Variants in ANO10 observed in about 807,000 individuals in gnomAD.
ANO10 encodes anoctamin 10, also known as anoctamin-10.
Under a neutral mutation model 74.7 loss-of-function variants are expected in ANO10, and 77 were observed. The observed-to-expected ratio is 1.03, with a 90% confidence interval of 0.86 to 1.25. ANO10 has a LOEUF of 1.25. Ranked by LOEUF, ANO10 falls within the 50% of genes most tolerant of loss-of-function variation. ANO10 has a pLI of 0.00. For synonymous variants in ANO10, 279 were observed against 284.9 expected (o/e 0.98, Z 0.21); for missense variants, 721 against 778.1 (o/e 0.93, Z 0.87).
In ANO10 at chr3:43,532,270, G is replaced by A. The variant is rs1160329870; in HGVS notation, c.1797+17450C>T. Among the ~76,000 whole-genome samples the A allele has an allele frequency of 6.6e-5, 10 of 152,282 alleles. No homozygotes were observed. The East Asian group carries it at 1.2e-3, about 18-fold the overall frequency. Reference sequence around the variant, plus strand: ...CTATGCCTTCGCTTAAACTTCTCACGTTTAATGGCTTAAAATTCTTTCCAA... The same window carrying A: ...CTATGCCTTCGCTTAAACTTCTCACATTTAATGGCTTAAAATTCTTTCCAA... On this transcript the variant is annotated intron_variant, in intron 11 of 12. Coordinates refer to ENST00000292246, the MANE Select transcript of ANO10 (RefSeq NM_018075.5).
At chr3:43,460,848 G>A (rs980211231) in intron 11 of ANO10, among the ~76,000 whole-genome samples, 10 of 152,008 alleles carry the variant, frequency 6.6e-5, no homozygotes, top group Non-Finnish European at 5.9e-5. Context: ...CATACAACAA[G>A]AGCAGACACT....
At chr3:43,575,773 G>A (rs959071460) in intron 6 of ANO10, among the ~76,000 whole-genome samples, 1 of 152,064 alleles carries the variant, frequency 6.6e-6, no homozygotes, top group Non-Finnish European at 1.5e-5. Context: ...GAGTAGTTGG[G>A]ACTACAGGCG....
intron 11 of ANO10, among the ~76,000 whole-genome samples, chr3:43,440,189 T>C (rs6769576): frequency 0.53 from 81,184 of 151,872 alleles, 22,521 homozygotes; most frequent in East Asian, 0.83. Flanking sequence ...CAATTGTAAG[T>C]CTGCTCTATC....
At chr3:43,505,691 C>T (rs984827604) in intron 11 of ANO10, among the ~76,000 whole-genome samples, 8 of 152,130 alleles carry the variant, frequency 5.3e-5, no homozygotes, top group Non-Finnish European at 1.0e-4. Context: ...TACACATTCA[C>T]GAAGTCAAGA....
At chr3:43,412,408 T>A (rs547203836) in intron 12 of ANO10, among the ~76,000 whole-genome samples, 1 of 152,158 alleles carries the variant, frequency 6.6e-6, no homozygotes, top group Non-Finnish European at 1.5e-5. Flanking sequence ...CCTGTGGCTG[T>A]TGACCATCCC....
At chr3:43,570,575 C>A (rs1408854607) in intron 7 of ANO10, among the ~76,000 whole-genome samples, 1 of 152,240 alleles carries the variant, frequency 6.6e-6, no homozygotes, top group Admixed American at 6.5e-5. Flanking sequence ...CAAAAACAAG[C>A]AATGGGGAAG....
intron 11 of ANO10, chr3:43,485,760 C>T (rs1975997): frequency 0.54 from 121,556 of 224,460 alleles, 35,976 homozygotes; most frequent in East Asian, 0.84. Flanking sequence ...GAAGTGGGAC[C>T]TGTTGACAAA....
At chr3:43,484,164 C>A (rs2076377023) in intron 11 of ANO10, among the ~76,000 whole-genome samples, 1 of 152,054 alleles carries the variant, frequency 6.6e-6, no homozygotes. Context: ...ATCTCCTGGG[C>A]TCAAGCGATC....
intron 3 of ANO10, among the ~76,000 whole-genome samples, 196 bp from the exon 4 acceptor site, chr3:43,598,862 T>A (rs752552019): frequency 5.0e-4 from 76 of 152,240 alleles, no homozygotes; most frequent in Non-Finnish European, 9.8e-4. Flanking sequence ...TGTTATGCCT[T>A]CACGTAATAC....
intron 1 of ANO10, among the ~76,000 whole-genome samples, chr3:43,656,913 C>T (rs1208541411): frequency 6.6e-6 from 1 of 152,234 alleles, no homozygotes; most frequent in Admixed American, 6.5e-5. Context: ...CAAGTGCCGC[C>T]AAAGTGGGAG....
intron 12 of ANO10, among the ~76,000 whole-genome samples, chr3:43,389,913 A>C (rs1224752604): frequency 6.6e-6 from 1 of 152,084 alleles, no homozygotes; most frequent in Non-Finnish European, 1.5e-5. Context: ...AAATGGAACA[A>C]AACAAAACAA....
At chr3:43,400,495 T>A (rs564748446) in intron 12 of ANO10, among the ~76,000 whole-genome samples, 3 of 152,046 alleles carry the variant, frequency 2.0e-5, no homozygotes, top group Non-Finnish European at 2.9e-5. Context: ...TCTTTTCTGA[T>A]TGGGCATGGT....
chr3:43,459,771 G>A (rs1279139821), intron 11 of ANO10, among the ~76,000 whole-genome samples: 1 of 152,118 alleles, frequency 6.6e-6, no homozygotes, highest in Non-Finnish European at 1.5e-5. Flanking sequence ...TGGAAGGAGG[G>A]ACTGAGCTCC....
At chr3:43,493,088 C>T (rs903110225) in intron 11 of ANO10, among the ~76,000 whole-genome samples, 1 of 152,136 alleles carries the variant, frequency 6.6e-6, no homozygotes, top group African/African-American at 2.4e-5. Context: ...ACATATACAC[C>T]ATGGAATACT....
chr3:43,535,422 C>T (rs944867157), intron 11 of ANO10, among the ~76,000 whole-genome samples: 10 of 151,960 alleles, frequency 6.6e-5, no homozygotes, highest in African/African-American at 1.9e-4. Context: ...ACTACAGGCA[C>T]GTGCCACCAT....
intron 10 of ANO10, among the ~76,000 whole-genome samples, chr3:43,551,882 C>T (rs2079479029): frequency 1.3e-5 from 2 of 152,160 alleles, no homozygotes; most frequent in Non-Finnish European, 2.9e-5. Context: ...AATCCACTCT[C>T]CCAATCTCTG....
intron 1 of ANO10, among the ~76,000 whole-genome samples, chr3:43,679,496 T>C (rs1180710353): frequency 6.6e-6 from 1 of 152,192 alleles, no homozygotes. Flanking sequence ...CCAGCCTCTG[T>C]AGACTCCACC....
chr3:43,434,731 A>G (rs2093041273), intron 11 of ANO10, among the ~76,000 whole-genome samples: 1 of 152,250 alleles, frequency 6.6e-6, no homozygotes, highest in Non-Finnish European at 1.5e-5. Flanking sequence ...TTTGGGAACC[A>G]GGACTGGCTA....
chr3:43,575,377 AAGTGTCATCTTAC>A (rs1018060869), intron 6 of ANO10, among the ~76,000 whole-genome samples: 1 of 152,148 alleles, frequency 6.6e-6, no homozygotes, highest in African/African-American at 2.4e-5. Flanking sequence ...TTCTGAAGAG[AAGTGTCATCTTAC>A]ACATAGAGTG....
Sources: gnomAD v4.1 joint callset for allele counts (sites outside exome capture counted in the v4.1 genomes callset) on GRCh38, gnomAD v4.1.1 for gene constraint, MANE v1.5 for transcripts, NCBI Gene and HGNC (gene_info 2026-07-23, HGNC 2026-07-21) for gene names.